The following CD99 variants were observed in gnomAD, a reference collection of about 807,000 sequenced individuals.
CD99 encodes CD99 antigen.
CD99 carries 19 observed loss-of-function variants against 28.4 expected under a neutral mutation model. The observed-to-expected ratio is 0.67, with a 90% CI of 0.47 to 0.98. The LOEUF (loss-of-function observed/expected upper bound fraction) is 0.98. Among genes scored for constraint, CD99 ranks in the 50% least tolerant of loss-of-function variants. CD99 has a pLI of 0.00. For synonymous variants in CD99, 103 were observed against 92.1 expected (o/e 1.12, Z -0.67); for missense variants, 283 against 248.8 (o/e 1.14, Z -0.92).
chrX:2,725,657 A>G (rs919277010), intron 7 of CD99, among the ~76,000 whole-genome samples: 6 of 152,090 alleles, frequency 3.9e-5, no homozygotes, highest in Non-Finnish European at 8.8e-5. Flanking sequence ...TCTGTCGCCC[A>G]GGCTGGAGTG....
At chrX:2,704,912 A>T (rs1187981249) in intron 1 of CD99, among the ~76,000 whole-genome samples, 1 of 152,080 alleles carries the variant, frequency 6.6e-6, no homozygotes, top group East Asian at 1.9e-4. Flanking sequence ...ACGGGGTTTC[A>T]TCATGTTGCC....
intron 1 of CD99, among the ~76,000 whole-genome samples, chrX:2,693,311 C>A (rs2047421614): frequency 9.0e-6 from 1 of 111,100 alleles, no homozygotes; most frequent in African/African-American, 3.5e-5. Context: ...GCTGCTGATG[C>A]TTTGAGTAAA....
intron 2 of CD99, chrX:2,715,433 A>G (rs7060867): frequency 0.32 from 47,393 of 149,324 alleles, 8,362 homozygotes; most frequent in African/African-American, 0.5. Context: ...GTGTCCCTGG[A>G]CTTGTGGCCG....
chrX:2,721,069 G>T (rs1350276685), intron 5 of CD99, among the ~76,000 whole-genome samples: 31 of 151,912 alleles, frequency 2.0e-4, no homozygotes, highest in Non-Finnish European at 7.4e-5. Context: ...AAATCTTTCT[G>T]CCCTTAAATA....
chrX:2,716,276 C>T (rs1194635050), intron 2 of CD99, among the ~76,000 whole-genome samples: 10 of 152,182 alleles, frequency 6.6e-5, no homozygotes, highest in Non-Finnish European at 1.0e-4. Flanking sequence ...CTTGGCCTCC[C>T]AAAGTGCTGG....
At chrX:2,702,606 G>T (rs2047910807) in intron 1 of CD99, among the ~76,000 whole-genome samples, 1 of 151,834 alleles carries the variant, frequency 6.6e-6, no homozygotes, top group African/African-American at 2.4e-5. Flanking sequence ...TTTCATTTTA[G>T]GTTCGGGGAT....
chrX:2,691,594 C>T (rs1189621688), intron 1 of CD99, 167 bp downstream of exon 1: 6 of 751,476 alleles, frequency 8.0e-6, no homozygotes, highest in Non-Finnish European at 1.4e-5. Context: ...GAGGAGGCGC[C>T]CACTTTCTCC....
chrX:2,724,950 T>C (rs1569444249), intron 7 of CD99, among the ~76,000 whole-genome samples: 1 of 146,814 alleles, frequency 6.8e-6, no homozygotes, highest in Non-Finnish European at 1.5e-5. Context: ...TAATCCCAGC[T>C]ACTTGGGAGG....
At chrX:2,702,412 T>C (rs1188363316) in intron 1 of CD99, among the ~76,000 whole-genome samples, 2 of 150,946 alleles carry the variant, frequency 1.3e-5, no homozygotes, top group Non-Finnish European at 2.9e-5. Context: ...AGATTTTAAA[T>C]TTTCTGAGAA....
intron 1 of CD99, among the ~76,000 whole-genome samples, chrX:2,692,684 A>G (rs888961976): frequency 2.0e-5 from 3 of 151,862 alleles, no homozygotes; most frequent in African/African-American, 7.3e-5. Context: ...CTTGCGGGCA[A>G]CCTGTCACCA....
Position 2,695,188 on chromosome X carries a change from T to C in CD99, c.67+3761T>C, listed in dbSNP as rs184984399. 2.8e-3 allele frequency among the ~76,000 whole-genome samples: 422 copies of C among 152,072 alleles called. 1 individual carries two copies. Among genetic ancestry groups the C allele is most frequent in the African/African-American group, 9.8e-3 (406 of 41,450 alleles). ...CAGTAAGAAATAAGACCTGTGTGTCTCTCGGGGTGCGAAGGAGGAAAAGTC... is the reference window on the plus strand; with the variant it reads ...CAGTAAGAAATAAGACCTGTGTGTCCCTCGGGGTGCGAAGGAGGAAAAGTC... On this transcript the variant is annotated intron_variant, in intron 1 of 9. Transcript: ENST00000381192.
chrX:2,729,565 A>G (rs2049482340), intron 8 of CD99, among the ~76,000 whole-genome samples: 1 of 152,146 alleles, frequency 6.6e-6, no homozygotes, highest in Non-Finnish European at 1.5e-5. Context: ...GATTATGGGA[A>G]TTACAATTTA....
chrX:2,706,892 C>A (rs1340648654), intron 1 of CD99, among the ~76,000 whole-genome samples: 1 of 151,886 alleles, frequency 6.6e-6, no homozygotes. Flanking sequence ...GCGATCTCGG[C>A]TCACTGCAAC....
intron 8 of CD99, chrX:2,727,168 C>G: frequency 1.4e-6 from 1 of 706,916 alleles, no homozygotes; most frequent in South Asian, 1.5e-5. Context: ...ACCAGCACAG[C>G]GGATTCCCTT....
chrX:2,740,917 G>A lies in CD99; in HGVS notation c.*113G>A, dbSNP rs1260361340. ...GCAGAGATGGAGGCCTTCTGTTCAC[G>A]GCGGATTCTTTGTTTTAATCTTGCG... On this transcript the variant is annotated 3_prime_UTR_variant, in exon 10 of 10. Coordinates refer to ENST00000381192, the MANE Select transcript of CD99 (RefSeq NM_002414.5). 2.7e-5 allele frequency: 31 copies of A among 1,142,588 alleles called. No individual in the cohort carries two copies. The highest frequency in any genetic ancestry group is 2.2e-4 in the South Asian group (18 of 81,234). 70.8% of individuals were successfully genotyped at this position (1,142,588 alleles called of 1,614,324 possible). A position where few individuals can be genotyped will look rare whatever the true frequency, so the allele number is the denominator to read the frequency against.
chrX:2,692,555 G>C (rs2047375151), intron 1 of CD99, among the ~76,000 whole-genome samples: 1 of 152,202 alleles, frequency 6.6e-6, no homozygotes, highest in Non-Finnish European at 1.5e-5. Flanking sequence ...GCTTTCACTT[G>C]GTAGAGATTA....
Position 2,720,433 on chromosome X carries a change from C to G in CD99, c.262+9C>G. ...CCACCCTAGTTCCTCCGGTAAGAGT[C>G]TCTGACCCTGTGGGATGTCTTCATG... On this transcript the variant is annotated intron_variant, in intron 5 of 9. Transcript: ENST00000381192. 6.2e-7 allele frequency: 1 copy of G among 1,612,800 alleles called. No individual in the cohort carries two copies. Among genetic ancestry groups the G allele is most frequent in the South Asian group, 1.1e-5 (1 of 91,046 alleles).
intron 6 of CD99, 25 bp from the exon 7 acceptor site, chrX:2,723,289 T>A: frequency 3.7e-6 from 6 of 1,613,804 alleles, no homozygotes; most frequent in Non-Finnish European, 5.1e-6. Context: ...ACCTTCCCAT[T>A]GCAGACGTTG....
intron 8 of CD99, among the ~76,000 whole-genome samples, chrX:2,729,318 C>T (rs2049468926): frequency 6.6e-6 from 1 of 152,142 alleles, no homozygotes; most frequent in Non-Finnish European, 1.5e-5. Context: ...ATTTCATATT[C>T]ACATCCTGTA....
Sources: allele counts gnomAD v4.1 joint callset (sites outside exome capture counted in the v4.1 genomes callset), GRCh38; gene constraint gnomAD v4.1.1; transcripts MANE v1.5; gene names NCBI Gene and HGNC (gene_info 2026-07-23, HGNC 2026-07-21).